The following XPR1 variants were observed in gnomAD, a reference collection of about 807,000 sequenced individuals.
XPR1 encodes solute carrier family 53 member 1.
XPR1 carries 28 observed loss-of-function variants against 87.5 expected under a neutral mutation model. That is an observed-to-expected ratio of 0.32 (90% CI 0.24 to 0.44). The LOEUF is 0.44. Ranked by LOEUF, XPR1 falls within the 20% of genes least tolerant of loss-of-function variation. The pLI, the probability that XPR1 is intolerant of heterozygous loss-of-function variation, is 1.00. For synonymous variants in XPR1, 300 were observed against 306.1 expected (o/e 0.98, Z 0.21); for missense variants, 559 against 862.3 (o/e 0.65, Z 4.41).
At chr1:180,664,924 C>A (rs149969568) in intron 1 of XPR1, among the ~76,000 whole-genome samples, 148 of 152,320 alleles carry the variant, frequency 9.7e-4, no homozygotes, top group African/African-American at 3.0e-3. Context: ...CACAAGAGTT[C>A]GTGCTCCTGT....
chr1:180,658,633 T>G (rs1485080219), intron 1 of XPR1, among the ~76,000 whole-genome samples: 1 of 152,056 alleles, frequency 6.6e-6, no homozygotes, highest in African/African-American at 2.4e-5. Context: ...GGCGCGATCT[T>G]GGCTCACTGC....
In XPR1 at chr1:180,720,070, C is replaced by T. The variant is rs543565060; in HGVS notation, c.121+37659C>T. Among the ~76,000 whole-genome samples the T allele has an allele frequency of 2.0e-5, 3 of 151,158 alleles. No homozygotes were observed. In the East Asian group the frequency reaches 5.8e-4, roughly 29 times the overall value. On this transcript the variant is annotated intron_variant, in intron 2 of 14. Coordinates refer to ENST00000367590, the MANE Select transcript of XPR1 (RefSeq NM_004736.4). ...CCAAAATATTTAGAATGGTTTACAA[C>T]AAGGTAAGTGGTTCTGACAGAAAGA...
chr1:180,739,986 A>G (rs866641463), intron 2 of XPR1, among the ~76,000 whole-genome samples: 4 of 152,242 alleles, frequency 2.6e-5, no homozygotes, highest in South Asian at 2.1e-4. Context: ...TGCTGGGATT[A>G]CAGGTGTGAG....
intron 9 of XPR1, among the ~76,000 whole-genome samples, chr1:180,827,145 C>T (rs1025997176): frequency 5.7e-5 from 7 of 121,988 alleles, no homozygotes; most frequent in African/African-American, 2.5e-4. Flanking sequence ...CAGAGTGAGA[C>T]TCCTTCTCAA....
intron 2 of XPR1, among the ~76,000 whole-genome samples, chr1:180,710,831 G>A (rs1254593901): frequency 1.3e-5 from 2 of 149,156 alleles, no homozygotes; most frequent in African/African-American, 4.9e-5. Context: ...GGCGGGGGCT[G>A]CCCCCCACCT....
At chr1:180,818,678 C>T (rs1650501504) in intron 7 of XPR1, among the ~76,000 whole-genome samples, 1 of 152,072 alleles carries the variant, frequency 6.6e-6, no homozygotes, top group South Asian at 2.1e-4. Flanking sequence ...ACTCATGGAT[C>T]AGAGAGATGA....
At chr1:180,843,569 A>G (rs6672994) in intron 11 of XPR1, among the ~76,000 whole-genome samples, 6,537 of 152,086 alleles carry the variant, frequency 0.043, 502 homozygotes, top group African/African-American at 0.15. Context: ...AGTGGTTTTT[A>G]TCTACTTGGC....
chr1:180,761,770 G>A (rs1648040909), intron 2 of XPR1, among the ~76,000 whole-genome samples: 1 of 151,990 alleles, frequency 6.6e-6, no homozygotes, highest in Non-Finnish European at 1.5e-5. Context: ...CCCATTACTG[G>A]GTATATACCC....
chr1:180,698,564 C>T (rs1657246135), intron 2 of XPR1, among the ~76,000 whole-genome samples: 1 of 151,894 alleles, frequency 6.6e-6, no homozygotes, highest in Non-Finnish European at 1.5e-5. Flanking sequence ...CATTTGTCTC[C>T]ATTTTCTTTC....
chr1:180,719,076 C>T (rs1272590430), intron 2 of XPR1, among the ~76,000 whole-genome samples: 1 of 152,144 alleles, frequency 6.6e-6, no homozygotes. Flanking sequence ...TCTGACCATT[C>T]AATGGTAACG....
At chr1:180,723,433 A>C (rs566585074) in intron 2 of XPR1, among the ~76,000 whole-genome samples, 33 of 152,194 alleles carry the variant, frequency 2.2e-4, no homozygotes, top group Non-Finnish European at 4.4e-4. Context: ...AAAGCATCAA[A>C]TGAAATTCTT....
intron 2 of XPR1, among the ~76,000 whole-genome samples, chr1:180,687,091 A>C (rs1656806831): frequency 6.6e-6 from 1 of 152,122 alleles, no homozygotes; most frequent in African/African-American, 2.4e-5. Flanking sequence ...AACTATTTTT[A>C]AAATATAAGA....
chr1:180,685,064 A>C (rs1283320526), intron 2 of XPR1, among the ~76,000 whole-genome samples: 6 of 151,938 alleles, frequency 3.9e-5, no homozygotes, highest in Admixed American at 2.0e-4. Flanking sequence ...GTCTTGTGCC[A>C]GTTTTCAAAG....
chr1:180,656,340 TTATA>T (rs1655466671), intron 1 of XPR1, among the ~76,000 whole-genome samples: 1 of 109,050 alleles, frequency 9.2e-6, no homozygotes, highest in Non-Finnish European at 1.7e-5. Flanking sequence ...TATATAATAT[TTATA>T]TATTTAATAT....
rs143422193 is a variant in XPR1 at position 180,747,789 on chromosome 1, GT to G, written c.122-39961del. 4.5e-3 allele frequency among the ~76,000 whole-genome samples: 692 copies of G among 152,282 alleles called. 12 individuals are homozygous for G. Among genetic ancestry groups the G allele is most frequent in the African/African-American group, 0.016 (670 of 41,548 alleles). On this transcript the variant is annotated intron_variant, in intron 2 of 14. Transcript: ENST00000367590. ...CCATAAAAGCGAAGCAAGCCAGTCA[GT>G]TTCTCAATTGCCATGGCTTTCCAAT...
intron 1 of XPR1, among the ~76,000 whole-genome samples, chr1:180,642,406 C>G (rs1242503194): frequency 1.3e-5 from 2 of 152,036 alleles, no homozygotes; most frequent in African/African-American, 4.8e-5. Context: ...GTATACATGA[C>G]TGTCCCCTTT....
At position 180,889,843 on chromosome 1, in the gene XPR1, T is replaced by C. The variant is rs748437836; in HGVS notation, c.*5777T>C. ...CACTGTGTTGGTCAAATGATACTATTCTATGAAACCCTGAGCTATAGTTGT... is the reference window on the plus strand; with the variant it reads ...CACTGTGTTGGTCAAATGATACTATCCTATGAAACCCTGAGCTATAGTTGT... On this transcript the variant is annotated 3_prime_UTR_variant, in exon 15 of 15. Coordinates refer to ENST00000367590, the MANE Select transcript of XPR1 (RefSeq NM_004736.4). 6.6e-6 allele frequency: 1 copy of C among 152,202 alleles called. No homozygotes were observed. Among genetic ancestry groups the C allele is most frequent in the Non-Finnish European group, 1.5e-5 (1 of 68,036 alleles). 9.4% of individuals were successfully genotyped at this position (152,202 alleles called of 1,614,324 possible).
intron 12 of XPR1, among the ~76,000 whole-genome samples, chr1:180,866,486 G>A (rs1652394670): frequency 6.6e-6 from 1 of 152,076 alleles, no homozygotes; most frequent in African/African-American, 2.4e-5. Context: ...AAAGATAAGT[G>A]TATTCCTCCT....
chr1:180,804,815 C>G (rs1365638314), intron 4 of XPR1, among the ~76,000 whole-genome samples: 2 of 151,772 alleles, frequency 1.3e-5, no homozygotes, highest in Non-Finnish European at 2.9e-5. Flanking sequence ...TGATAAATTC[C>G]TTTGCTTTGA....
Sources: gnomAD v4.1 joint callset for allele counts (sites outside exome capture counted in the v4.1 genomes callset) on GRCh38, gnomAD v4.1.1 for gene constraint, MANE v1.5 for transcripts, NCBI Gene and HGNC (gene_info 2026-07-23, HGNC 2026-07-21) for gene names.